ADGRB1: variants seen among roughly 807,000 people sequenced by gnomAD.
The protein encoded by ADGRB1 is adhesion G protein-coupled receptor B1.
In ADGRB1, 36 loss-of-function variants were observed where a neutral mutation model predicts 175.7. That is an observed-to-expected ratio of 0.20 (90% confidence interval 0.16 to 0.27). The LOEUF (loss-of-function observed/expected upper bound fraction) is 0.27. Ranked by LOEUF, ADGRB1 falls within the 10% of genes least tolerant of loss-of-function variation. The pLI is 1.00. For missense variants in ADGRB1, 1,731 were observed against 2,255.3 expected (o/e 0.77, Z 4.71); for synonymous variants, 1,054 against 979.4 (o/e 1.08, Z -1.42).
chr8:142,476,612 A>T lies in ADGRB1; in HGVS notation c.974A>T (p.Gln325Leu). 1 of 1,548,940 alleles carries T rather than the reference A, an allele frequency of 6.5e-7. No individual in the cohort carries two copies. The highest frequency in any genetic ancestry group is 8.7e-7 in the Non-Finnish European group (1 of 1,146,480). ...GCTGGGCGCACCAGCTCCCGGAGCCAGTCCCTGCGGTCCACAGATGCCCGG... is the reference window on the plus strand; with the variant it reads ...GCTGGGCGCACCAGCTCCCGGAGCCTGTCCCTGCGGTCCACAGATGCCCGG... ...GPAGRTSSRS[Q>L]SLRSTDARRR... The change falls in exon 4 of 31, where the codon CAG (glutamine) becomes CTG (leucine). Residue 325 changes from glutamine to leucine, a missense_variant. Coordinates refer to ENST00000517894, the MANE Select transcript of ADGRB1 (RefSeq NM_001702.3).
At chr8:142,469,052 G>T (rs1051736758) in intron 2 of ADGRB1, among the ~76,000 whole-genome samples, 1 of 152,268 alleles carries the variant, frequency 6.6e-6, no homozygotes, top group African/African-American at 2.4e-5. Flanking sequence ...TAAGTGGCAG[G>T]CTGATGGCAG....
At position 142,510,914 on chromosome 8, in the gene ADGRB1, T is replaced by C; in HGVS notation, c.2676-18T>C. Reference sequence around the variant, plus strand: ...TGACGCTCCGCCTGTCTCCCTCCCGTGTCCCGCCCGCCCCCAGACCCTCCT... The same window carrying C: ...TGACGCTCCGCCTGTCTCCCTCCCGCGTCCCGCCCGCCCCCAGACCCTCCT... On this transcript the variant is annotated intron_variant, in intron 17 of 30. Coordinates refer to ENST00000517894, the MANE Select transcript of ADGRB1 (RefSeq NM_001702.3). This position sits in a 1 kb window ranked among gnomAD's most constrained non-coding sequence, Gnocchi z 6.3. The C allele has an allele frequency of 1.1e-6, 1 of 906,950 alleles. No homozygotes were observed. The highest frequency in any genetic ancestry group is 1.4e-6 in the Non-Finnish European group (1 of 736,694). The allele number at this position is 906,950 out of a possible 1,614,324, so 56.2% of individuals were successfully genotyped here.
intron 13 of ADGRB1, 125 bp from the exon 14 acceptor site, chr8:142,488,239 C>A: frequency 7.3e-7 from 1 of 1,367,018 alleles, no homozygotes; most frequent in Non-Finnish European, 1.0e-6. Flanking sequence ...TGCCTCTGAG[C>A]CATGGGCACC....
intron 25 of ADGRB1, 109 bp from the exon 26 acceptor site, chr8:142,536,878 T>G (rs542893451): frequency 9.9e-6 from 9 of 905,738 alleles, no homozygotes; most frequent in East Asian, 6.0e-5. Flanking sequence ...TGACCAGCCC[T>G]GCCCTTCCCC....
chr8:142,533,528 T>A, intron 25 of ADGRB1, 62 bp downstream of exon 25: 1 of 1,500,316 alleles, frequency 6.7e-7, no homozygotes, highest in African/African-American at 1.4e-5. Flanking sequence ...CCGAGTGGCC[T>A]CCTCCTTCCC....
chr8:142,484,596 G>T (rs567095245), intron 12 of ADGRB1, 60 bp from the exon 13 acceptor site: 5 of 1,472,150 alleles, frequency 3.4e-6, no homozygotes, highest in Middle Eastern at 1.7e-4. Flanking sequence ...AAGGGAAGGA[G>T]GCAGGGGCTA....
In ADGRB1 at chr8:142,493,694, C is replaced by G. The variant is rs1411550033; in HGVS notation, c.2675+2879C>G. On this transcript the variant is annotated intron_variant, in intron 17 of 30. Coordinates refer to ENST00000517894, the MANE Select transcript of ADGRB1 (RefSeq NM_001702.3). The surrounding 1 kb of genome is among the most constrained non-coding windows in gnomAD (Gnocchi z 5.0). ...AGGAGCTGAGGCCCTGAGACTCCTACAGTCCCGCTGAAAGCACAGCGCAGT... is the reference window on the plus strand; with the variant it reads ...AGGAGCTGAGGCCCTGAGACTCCTAGAGTCCCGCTGAAAGCACAGCGCAGT... 6.6e-6 allele frequency among the ~76,000 whole-genome samples: 1 copy of G among 152,256 alleles called. No individual in the cohort carries two copies.
At chr8:142,477,573 G>C (rs1841050398) in intron 6 of ADGRB1, 24 bp downstream of exon 6, 1 of 1,602,374 alleles carries the variant, frequency 6.2e-7, no homozygotes, top group Non-Finnish European at 8.5e-7. Context: ...AGGGCGTAGG[G>C]GCAGGGAGGA....
chr8:142,487,763 T>C (rs1045531070), intron 13 of ADGRB1, among the ~76,000 whole-genome samples: 1 of 152,164 alleles, frequency 6.6e-6, no homozygotes, highest in Admixed American at 6.5e-5. Flanking sequence ...CCCATGCCCA[T>C]CCACCCTGAG....
chr8:142,463,159 AGGTGGCTCCT>A (rs1328394043), intron 1 of ADGRB1, among the ~76,000 whole-genome samples: 1 of 152,182 alleles, frequency 6.6e-6, no homozygotes, highest in Non-Finnish European at 1.5e-5. Flanking sequence ...GGCAGAGGTG[AGGTGGCTCCT>A]GGTGGCTCCA....
intron 4 of ADGRB1, 109 bp from the exon 5 acceptor site, chr8:142,477,005 C>G (rs1841016372): frequency 7.2e-7 from 1 of 1,381,754 alleles, no homozygotes; most frequent in African/African-American, 1.5e-5. Flanking sequence ...TCTGCCCCAG[C>G]CCCGCTGCCT....
chr8:142,478,457 C>T, intron 7 of ADGRB1, 97 bp downstream of exon 7: 2 of 1,357,568 alleles, frequency 1.5e-6, no homozygotes, highest in Non-Finnish European at 2.0e-6. Context: ...AACCATGGGC[C>T]CCGGCATGTG....
intron 27 of ADGRB1, chr8:142,539,625 G>T (rs1192519472): frequency 8.1e-6 from 5 of 620,538 alleles, no homozygotes; most frequent in Non-Finnish European, 1.4e-5. Flanking sequence ...GAGGCCGAAG[G>T]AGGGTCCATG....
At chr8:142,473,165 C>T (rs1270256658) in intron 2 of ADGRB1, among the ~76,000 whole-genome samples, 4 of 152,322 alleles carry the variant, frequency 2.6e-5, no homozygotes, top group South Asian at 4.1e-4. Context: ...TGGCATCCTC[C>T]GATGAGCCTG....
In ADGRB1 at chr8:142,542,018, G is replaced by A. The variant is rs1845302145; in HGVS notation, c.3784G>A (p.Glu1262Lys). The A allele has an allele frequency of 6.2e-7, 1 of 1,606,370 alleles. No homozygotes were observed. Among genetic ancestry groups the A allele is most frequent in the Non-Finnish European group, 8.5e-7 (1 of 1,177,480 alleles). ...TLKRPSLPEEEKLKLAHAKGP... is the reference protein window; with the variant it reads ...TLKRPSLPEEKKLKLAHAKGP... ...GAAGCGGCCGTCTCTGCCCGAGGAG[G>A]AGAAGCTGAAGCTGGCCCATGCCAA... Residue 1262 changes from glutamate to lysine, a missense_variant, in exon 28 of 31, where the codon GAG becomes AAG. Around this residue, in one of 8 missense-constraint regions of ADGRB1, gnomAD observed 301 missense variants for 488.4 expected, o/e 0.62. Transcript: ENST00000517894. The surrounding 1 kb of genome is among the most constrained non-coding windows in gnomAD (Gnocchi z 6.3).
chr8:142,478,459 C>T (rs1055885149), intron 7 of ADGRB1, 99 bp downstream of exon 7: 10 of 1,321,742 alleles, frequency 7.6e-6, no homozygotes, highest in South Asian at 4.5e-5. Flanking sequence ...CCATGGGCCC[C>T]GGCATGTGAC....
At chr8:142,529,437 T>C (rs1563744993) in intron 24 of ADGRB1, among the ~76,000 whole-genome samples, 2 of 152,142 alleles carry the variant, frequency 1.3e-5, no homozygotes, top group Non-Finnish European at 2.9e-5. Flanking sequence ...TTGGGTGTGC[T>C]CTCAAGTGTA....
intron 17 of ADGRB1, among the ~76,000 whole-genome samples, chr8:142,497,955 C>G (rs1376018838): frequency 6.6e-6 from 1 of 152,150 alleles, no homozygotes; most frequent in African/African-American, 2.4e-5. Context: ...CAGTCCAGGA[C>G]AGACCCTTGG....
In ADGRB1 at chr8:142,464,994, G is replaced by C. The variant is rs920498481; in HGVS notation, c.784+12G>C. The C allele has an allele frequency of 6.9e-7, 1 of 1,449,934 alleles. No homozygotes were observed. Among genetic ancestry groups the C allele is most frequent in the Non-Finnish European group, 9.1e-7 (1 of 1,104,240 alleles). The allele number at this position is 1,449,934 out of a possible 1,614,324, so 89.8% of individuals were successfully genotyped here. ...GCACGGCGCCACAGGTGAGTGACTG[G>C]CGGGGAAACCTTCGGACAGGGGAGG... On this transcript the variant is annotated intron_variant, in intron 2 of 30. Transcript: ENST00000517894.
Sources: gnomAD v4.1 joint callset for allele counts (sites outside exome capture counted in the v4.1 genomes callset) on GRCh38, gnomAD v4.1.1 for gene constraint, gnomAD v4.1.1 regional missense constraint, Gnocchi (gnomAD v3.1) non-coding constraint, MANE v1.5 for transcripts, NCBI Gene and HGNC (gene_info 2026-07-23, HGNC 2026-07-21) for gene names.